OSBPL3: variants seen among roughly 807,000 people sequenced by gnomAD.
The protein encoded by OSBPL3 is oxysterol binding protein like 3, also known as oxysterol-binding protein-related protein 3.
A neutral mutation model predicts 120.1 loss-of-function variants in OSBPL3; 65 were observed. That is an observed-to-expected ratio of 0.54 (90% CI 0.44 to 0.67). The LOEUF (loss-of-function observed/expected upper bound fraction) is 0.67. Ranked by LOEUF, OSBPL3 falls within the 30% of genes least tolerant of loss-of-function variation. The pLI is 0.00. For missense variants in OSBPL3, 1,004 were observed against 1,082.1 expected (o/e 0.93, Z 1.01); for synonymous variants, 416 against 402.6 (o/e 1.03, Z -0.40).
In OSBPL3 at chr7:24,854,636, T is replaced by C. The variant is rs17293003; in HGVS notation, c.1028-2002A>G. On this transcript the variant is annotated intron_variant, in intron 10 of 22. Transcript: ENST00000313367. This position sits in a 1 kb window ranked among gnomAD's most constrained non-coding sequence, Gnocchi z 4.1. The stretch of plus-strand genomic sequence containing the variant: ...CTATGAAACACACTTAGCTCCTTGC[T>C]TTAAACAATTTAATTGAGCAAAATA... Among the ~76,000 whole-genome samples the C allele has an allele frequency of 0.21, 31,812 of 152,014 alleles. 3,513 individuals are homozygous for C. Among genetic ancestry groups the C allele is most frequent in the Non-Finnish European group, 0.23 (15,627 of 67,958 alleles).
At chr7:24,868,269 A>T (rs1472500461) in intron 5 of OSBPL3, among the ~76,000 whole-genome samples, 2 of 150,748 alleles carry the variant, frequency 1.3e-5, no homozygotes, top group Non-Finnish European at 3.0e-5. Flanking sequence ...ATAAGCCGAG[A>T]TCACACCACT....
chr7:24,812,539 C>T (rs1793962491), intron 19 of OSBPL3, among the ~76,000 whole-genome samples: 1 of 151,908 alleles, frequency 6.6e-6, no homozygotes, highest in African/African-American at 2.4e-5. Context: ...AGCTCTAGCA[C>T]CCTAGAGTTG....
At chr7:24,950,845 T>G (rs760728298) in intron 1 of OSBPL3, among the ~76,000 whole-genome samples, 1 of 152,206 alleles carries the variant, frequency 6.6e-6, no homozygotes, top group Non-Finnish European at 1.5e-5. Context: ...TTATGTAATT[T>G]GGAACTCAAG....
chr7:24,803,772 G>GAA lies in OSBPL3; in HGVS notation c.2567+541_2567+542dup, dbSNP rs542201431. 6.9e-6 allele frequency among the ~76,000 whole-genome samples: 1 copy of GAA among 144,274 alleles called. No homozygotes were observed. Among genetic ancestry groups the GAA allele is most frequent in the Admixed American group, 6.9e-5 (1 of 14,534 alleles). The allele number at this position is 144,274 out of a possible 152,430, so 94.6% of individuals were successfully genotyped here. ...GGTGACAGAGCGAGACTCTGTATCA[G>GAA]AAAAAAAAAAAATTATATCTATTTT... On this transcript the variant is annotated intron_variant, in intron 22 of 22. Transcript: ENST00000313367. The surrounding 1 kb of genome is among the most constrained non-coding windows in gnomAD (Gnocchi z 4.2).
Position 24,855,591 on chromosome 7 carries a change from A to G in OSBPL3, c.1028-2957T>C, listed in dbSNP as rs1403482269. On this transcript the variant is annotated intron_variant, in intron 10 of 22. Transcript: ENST00000313367. The surrounding 1 kb of genome is among the most constrained non-coding windows in gnomAD (Gnocchi z 4.3). ...ATTTCTTAAATGACTATCAGGGCCCACTCAGGACATTAAAATAGTCATTCA... is the reference window on the plus strand; with the variant it reads ...ATTTCTTAAATGACTATCAGGGCCCGCTCAGGACATTAAAATAGTCATTCA... Among the ~76,000 whole-genome samples the G allele has an allele frequency of 1.3e-5, 2 of 152,126 alleles. No individual in the cohort carries two copies. The highest frequency in any genetic ancestry group is 2.9e-5 in the Non-Finnish European group (2 of 68,020).
Position 24,820,791 on chromosome 7 carries a change from A to G in OSBPL3, c.1885-553T>C, listed in dbSNP as rs1477522660. 6.9e-6 allele frequency among the ~76,000 whole-genome samples: 1 copy of G among 145,270 alleles called. No homozygotes were observed. Among genetic ancestry groups the G allele is most frequent in the Non-Finnish European group, 1.5e-5 (1 of 67,346 alleles). On this transcript the variant is annotated intron_variant, in intron 16 of 22. Coordinates refer to ENST00000313367, the MANE Select transcript of OSBPL3 (RefSeq NM_015550.4). This position sits in a 1 kb window ranked among gnomAD's most constrained non-coding sequence, Gnocchi z 4.6. ...CCTACAAGAAGACCAATGCAAGGTAATTTTTTTAAAAAAGAGTGTTTCTAT... is the reference window on the plus strand; with the variant it reads ...CCTACAAGAAGACCAATGCAAGGTAGTTTTTTTAAAAAAGAGTGTTTCTAT...
rs1165642757 is a variant in OSBPL3 at position 24,831,705 on chromosome 7, A to G, written c.1747-800T>C. ...CAGGGATGTCCAATTTTCCTTTCTA[A>G]TGTCAGGTAGTAACAATCTCAAGAT... On this transcript the variant is annotated intron_variant, in intron 15 of 22. Coordinates refer to ENST00000313367, the MANE Select transcript of OSBPL3 (RefSeq NM_015550.4). This position sits in a 1 kb window ranked among gnomAD's most constrained non-coding sequence, Gnocchi z 4.0. Among the ~76,000 whole-genome samples the G allele has an allele frequency of 1.3e-5, 2 of 152,194 alleles. No homozygotes were observed. Among genetic ancestry groups the G allele is most frequent in the African/African-American group, 4.8e-5 (2 of 41,436 alleles).
At chr7:24,814,167 G>A (rs1436770727) in intron 19 of OSBPL3, among the ~76,000 whole-genome samples, 1 of 152,064 alleles carries the variant, frequency 6.6e-6, no homozygotes, top group Non-Finnish European at 1.5e-5. Context: ...AAGGATCTGG[G>A]GACAGCTGCC....
At chr7:24,860,411 G>A (rs6966219) in intron 10 of OSBPL3, among the ~76,000 whole-genome samples, 13,176 of 152,138 alleles carry the variant, frequency 0.087, 961 homozygotes, top group African/African-American at 0.18. Context: ...ATTGAATCAC[G>A]GGGGTGGCTT....
Position 24,872,495 on chromosome 7 carries a change from GGGAA to G in OSBPL3, c.97-430_97-427del, listed in dbSNP as rs1365656539. Among the ~76,000 whole-genome samples the G allele has an allele frequency of 5.7e-5, 8 of 141,276 alleles. No individual in the cohort carries two copies. The highest frequency in any genetic ancestry group is 7.8e-5 in the Non-Finnish European group (5 of 63,752). 92.7% of individuals were successfully genotyped at this position (141,276 alleles called of 152,430 possible). A position where few individuals can be genotyped will look rare whatever the true frequency, so the allele number is the denominator to read the frequency against. On this transcript the variant is annotated intron_variant, in intron 2 of 22. Transcript: ENST00000313367. This position sits in a 1 kb window ranked among gnomAD's most constrained non-coding sequence, Gnocchi z 4.1. ...TGTGTGTGTGTGTGTGTGGTGTTGG[GGGAA>G]GGAAGTTGGTTTAAGAATTGGCTGA...
At chr7:24,951,143 G>T (rs931420439) in intron 1 of OSBPL3, among the ~76,000 whole-genome samples, 3 of 152,168 alleles carry the variant, frequency 2.0e-5, no homozygotes, top group African/African-American at 4.8e-5. Flanking sequence ...CAAGAGGATG[G>T]AAAGTAGGAG....
intron 12 of OSBPL3, among the ~76,000 whole-genome samples, chr7:24,843,461 A>C (rs1009974016): frequency 5.3e-5 from 8 of 152,176 alleles, no homozygotes; most frequent in Non-Finnish European, 1.0e-4. Flanking sequence ...TAATTTGGGG[A>C]AAAGGCAGAT....
chr7:24,947,778 T>TCACACA lies in OSBPL3; in HGVS notation c.-150+32102_-150+32107dup, dbSNP rs56135680. Among the ~76,000 whole-genome samples, 2,619 of 148,202 alleles carry TCACACA rather than the reference T, an allele frequency of 0.018. 76 individuals are homozygous for TCACACA. The highest frequency in any genetic ancestry group is 0.058 in the African/African-American group (2,340 of 40,134). On this transcript the variant is annotated intron_variant, in intron 1 of 22. Coordinates refer to ENST00000313367, the MANE Select transcript of OSBPL3 (RefSeq NM_015550.4). The surrounding 1 kb of genome is among the most constrained non-coding windows in gnomAD (Gnocchi z 4.4). ...ATGTATACATACATATCCAATTAAA[T>TCACACA]CACACACACACACACACACACACAC...
rs149064574 is a variant in OSBPL3 at position 24,872,680 on chromosome 7, C to T, written c.97-611G>A. Among the ~76,000 whole-genome samples the T allele has an allele frequency of 1.3e-5, 2 of 152,170 alleles. No homozygotes were observed. The highest frequency in any genetic ancestry group is 1.3e-4 in the Admixed American group (2 of 15,284). On this transcript the variant is annotated intron_variant, in intron 2 of 22. Coordinates refer to ENST00000313367, the MANE Select transcript of OSBPL3 (RefSeq NM_015550.4). The surrounding 1 kb of genome is among the most constrained non-coding windows in gnomAD (Gnocchi z 4.1). ...TGCAACAAGAATTTTCACTTTTTTCCCAGAAATTTGTTTTTTCCATCTTTG... is the reference window on the plus strand; with the variant it reads ...TGCAACAAGAATTTTCACTTTTTTCTCAGAAATTTGTTTTTTCCATCTTTG...
In OSBPL3 at chr7:24,961,090, C is replaced by G. The variant is rs180730526; in HGVS notation, c.-150+18796G>C. ...TTAAAAAAAATTCTTCTCCCCCTTA[C>G]AAAAGGAAGGATTAGAATTAACCAC... is the stretch of plus-strand genomic sequence containing the variant. On this transcript the variant is annotated intron_variant, in intron 1 of 22. Transcript: ENST00000313367. Among the ~76,000 whole-genome samples, 116 of 152,166 alleles carry G rather than the reference C, an allele frequency of 7.6e-4. 1 individual carries two copies. The highest frequency in any genetic ancestry group is 2.7e-3 in the African/African-American group (113 of 41,504).
At chr7:24,845,024 C>T (rs530247282) in intron 12 of OSBPL3, among the ~76,000 whole-genome samples, 101 of 151,940 alleles carry the variant, frequency 6.6e-4, no homozygotes, top group South Asian at 2.7e-3. Context: ...TACAGATTTG[C>T]GAAAATGGTT....
rs759793685 is a variant in OSBPL3 at position 24,797,492 on chromosome 7, T to C, written c.*2691A>G. The C allele has an allele frequency of 7.2e-5, 11 of 152,158 alleles. No homozygotes were observed. The highest frequency in any genetic ancestry group is 1.6e-4 in the Non-Finnish European group (11 of 68,060). The allele number at this position is 152,158 out of a possible 1,614,324, so 9.4% of individuals were successfully genotyped here. A position where few individuals can be genotyped will look rare whatever the true frequency, so the allele number is the denominator to read the frequency against. Reference sequence around the variant, plus strand: ...TGGAGAAGCTGCATTGAGGCTTTTATTATTAATACCTATGACTCAAGGAAT... The same window carrying C: ...TGGAGAAGCTGCATTGAGGCTTTTACTATTAATACCTATGACTCAAGGAAT... On this transcript the variant is annotated 3_prime_UTR_variant, in exon 23 of 23. Coordinates refer to ENST00000313367, the MANE Select transcript of OSBPL3 (RefSeq NM_015550.4). The surrounding 1 kb of genome is among the most constrained non-coding windows in gnomAD (Gnocchi z 4.8).
At chr7:24,839,504 G>A (rs1797426628) in intron 14 of OSBPL3, among the ~76,000 whole-genome samples, 1 of 152,154 alleles carries the variant, frequency 6.6e-6, no homozygotes, top group Admixed American at 6.5e-5. Flanking sequence ...TACCCTGATG[G>A]GTCCGTCCAA....
In OSBPL3 at chr7:24,841,523, C is replaced by G. The variant is rs969760268; in HGVS notation, c.1402-740G>C. Among the ~76,000 whole-genome samples, 243 of 151,054 alleles carry G rather than the reference C, an allele frequency of 1.6e-3. 2 individuals carry two copies. Among genetic ancestry groups the G allele is most frequent in the Non-Finnish European group, 5.9e-5 (4 of 67,758 alleles). Reference sequence around the variant, plus strand: ...GTCAGCCTGGCCAACATGCGGAAGCCCATCTCTACTAAAAATACAAAAATT... The same window carrying G: ...GTCAGCCTGGCCAACATGCGGAAGCGCATCTCTACTAAAAATACAAAAATT... On this transcript the variant is annotated intron_variant, in intron 13 of 22. Transcript: ENST00000313367.
Sources: gnomAD v4.1 joint callset for allele counts (sites outside exome capture counted in the v4.1 genomes callset) on GRCh38, gnomAD v4.1.1 for gene constraint, Gnocchi (gnomAD v3.1) non-coding constraint, MANE v1.5 for transcripts, NCBI Gene and HGNC (gene_info 2026-07-23, HGNC 2026-07-21) for gene names.